Variants in ARHGAP22 observed in about 807,000 individuals in gnomAD.
The protein encoded by ARHGAP22 is Rho GTPase activating protein 22, also known as rho GTPase-activating protein 22.
A neutral mutation model predicts 59.1 loss-of-function variants in ARHGAP22; 48 were observed. That is an observed-to-expected ratio of 0.81 (90% CI 0.64 to 1.03). ARHGAP22 has a LOEUF of 1.03. Ranked by LOEUF, ARHGAP22 falls within the 50% of genes least tolerant of loss-of-function variation. The pLI is 0.00. For synonymous variants in ARHGAP22, 445 were observed against 416.4 expected, an observed-to-expected ratio of 1.07 and a Z score of -0.84; for missense variants, 1,015 against 958.7, an observed-to-expected ratio of 1.06 and a Z score of -0.78.
chr10:48,486,040 GTTTTTGT>G (rs1364461155), intron 3 of ARHGAP22, among the ~76,000 whole-genome samples: 1 of 151,948 alleles, frequency 6.6e-6, no homozygotes, highest in African/African-American at 2.4e-5. Context: ...TTTGGATGGA[GTTTTTGT>G]TTTTTGTTTT....
At chr10:48,598,450 C>G (rs1411829063) in intron 1 of ARHGAP22, among the ~76,000 whole-genome samples, 1 of 152,184 alleles carries the variant, frequency 6.6e-6, no homozygotes, top group Admixed American at 6.5e-5. Flanking sequence ...CAGCTGCTGC[C>G]CAGCACACAG....
intron 2 of ARHGAP22, among the ~76,000 whole-genome samples, chr10:48,561,034 C>T (rs1027169383): frequency 5.9e-5 from 9 of 152,052 alleles, no homozygotes; most frequent in African/African-American, 2.2e-4. Context: ...AAAGTATGCT[C>T]ATTCTGAAAT....
At chr10:48,531,940 T>G (rs1387550286) in intron 3 of ARHGAP22, among the ~76,000 whole-genome samples, 1 of 152,232 alleles carries the variant, frequency 6.6e-6, no homozygotes, top group Non-Finnish European at 1.5e-5. Flanking sequence ...CGCGGGTTAT[T>G]GCTCCTAGCT....
chr10:48,527,944 C>T (rs1223610064), intron 3 of ARHGAP22, among the ~76,000 whole-genome samples: 7 of 152,202 alleles, frequency 4.6e-5, no homozygotes, highest in Non-Finnish European at 8.8e-5. Flanking sequence ...ATCCAGTGGG[C>T]ACAATGGGCT....
intron 1 of ARHGAP22, among the ~76,000 whole-genome samples, chr10:48,628,463 T>G (rs1255695784): frequency 1.3e-5 from 2 of 152,154 alleles, no homozygotes; most frequent in Admixed American, 1.3e-4. Flanking sequence ...TAACACCAGG[T>G]GGCTCCTGTC....
intron 3 of ARHGAP22, among the ~76,000 whole-genome samples, chr10:48,503,589 GA>G (rs2051763369): frequency 6.6e-6 from 1 of 152,260 alleles, no homozygotes; most frequent in South Asian, 2.1e-4. Context: ...GCAACTCTGG[GA>G]AGTACAGGCT....
intron 1 of ARHGAP22, among the ~76,000 whole-genome samples, chr10:48,623,069 C>T (rs2061337004): frequency 6.6e-6 from 1 of 152,216 alleles, no homozygotes; most frequent in African/African-American, 2.4e-5. Flanking sequence ...CCTAGGGTGG[C>T]TACTTTCAAA....
chr10:48,517,226 A>G (rs1266359790), intron 3 of ARHGAP22, among the ~76,000 whole-genome samples: 1 of 152,206 alleles, frequency 6.6e-6, no homozygotes, highest in African/African-American at 2.4e-5. Flanking sequence ...TTCAAATTCA[A>G]TTCAATTCAA....
At chr10:48,580,998 AAGATGAGTCCC>A (rs2059083549) in intron 2 of ARHGAP22, among the ~76,000 whole-genome samples, 1 of 152,038 alleles carries the variant, frequency 6.6e-6, no homozygotes, top group South Asian at 2.1e-4. Context: ...CCAGTCCTTC[AAGATGAGTCCC>A]CAGGGGCTAA....
At chr10:48,505,733 G>A (rs1202071328) in intron 3 of ARHGAP22, among the ~76,000 whole-genome samples, 1 of 152,178 alleles carries the variant, frequency 6.6e-6, no homozygotes, top group East Asian at 1.9e-4. Flanking sequence ...TCTCCTGGCT[G>A]GGATGGAGAG....
At chr10:48,544,998 A>C (rs1193626310) in intron 3 of ARHGAP22, among the ~76,000 whole-genome samples, 3 of 152,240 alleles carry the variant, frequency 2.0e-5, no homozygotes, top group African/African-American at 7.2e-5. Flanking sequence ...TAGACTTGGA[A>C]GCAAAAAAGA....
At chr10:48,618,846 AG>A (rs2061182498) in intron 1 of ARHGAP22, among the ~76,000 whole-genome samples, 1 of 152,116 alleles carries the variant, frequency 6.6e-6, no homozygotes, top group South Asian at 2.1e-4. Context: ...ACCTAGCCTG[AG>A]CAATTAGGAA....
At chr10:48,585,049 C>T (rs1420571301) in intron 1 of ARHGAP22, among the ~76,000 whole-genome samples, 1 of 151,302 alleles carries the variant, frequency 6.6e-6, no homozygotes, top group African/African-American at 2.4e-5. Flanking sequence ...CACATTATAG[C>T]TTGGTGTGTT....
chr10:48,499,546 C>T (rs148570410), intron 3 of ARHGAP22, among the ~76,000 whole-genome samples: 42 of 152,322 alleles, frequency 2.8e-4, no homozygotes, highest in African/African-American at 8.9e-4. Context: ...AAGCCAGGAA[C>T]GATACAGGCA....
intron 2 of ARHGAP22, among the ~76,000 whole-genome samples, chr10:48,562,023 G>C (rs922387772): frequency 1.3e-5 from 2 of 152,154 alleles, no homozygotes; most frequent in Non-Finnish European, 2.9e-5. Flanking sequence ...TCAGAAGTTC[G>C]AGACCAGCTT....
intron 1 of ARHGAP22, among the ~76,000 whole-genome samples, chr10:48,592,214 C>G (rs2059801335): frequency 6.6e-6 from 1 of 152,170 alleles, no homozygotes; most frequent in Non-Finnish European, 1.5e-5. Context: ...GACAGAGTCT[C>G]ACCACTACAT....
intron 4 of ARHGAP22, among the ~76,000 whole-genome samples, chr10:48,466,412 C>A (rs1830931437): frequency 1.3e-5 from 2 of 151,954 alleles, no homozygotes; most frequent in South Asian, 4.1e-4. Flanking sequence ...AGCACCAGAT[C>A]CGCGGTGACA....
chr10:48,515,537 C>A (rs10857589), intron 3 of ARHGAP22, among the ~76,000 whole-genome samples: 79,824 of 151,976 alleles, frequency 0.53, 23,845 homozygotes, highest in Middle Eastern at 0.75. Flanking sequence ...AACAAGGAAA[C>A]AGAAGACTTG....
chr10:48,466,032 C>T (rs1341611141), intron 4 of ARHGAP22, among the ~76,000 whole-genome samples: 1 of 152,146 alleles, frequency 6.6e-6, no homozygotes, highest in Admixed American at 6.5e-5. Context: ...CAGCTGAAAA[C>T]TCTCCTGCTC....
Sources: gnomAD v4.1 joint callset for allele counts (sites outside exome capture counted in the v4.1 genomes callset) on GRCh38, gnomAD v4.1.1 for gene constraint, MANE v1.5 for transcripts, NCBI Gene and HGNC (gene_info 2026-07-23, HGNC 2026-07-21) for gene names.